Variants in MARCHF11 observed in about 807,000 individuals in gnomAD.
The protein encoded by MARCHF11 is E3 ubiquitin-protein ligase MARCHF11.
Under a neutral mutation model 37.3 loss-of-function variants are expected in MARCHF11, and 29 were observed. That is an observed-to-expected ratio of 0.78 (90% CI 0.58 to 1.06). MARCHF11 has a LOEUF of 1.06. MARCHF11 is among the 50% of genes least tolerant of loss of function. The pLI, the probability that MARCHF11 is intolerant of heterozygous loss-of-function variation, is 0.00. For missense variants in MARCHF11, 482 were observed against 533.4 expected (o/e 0.90, Z 0.95); for synonymous variants, 233 against 228.0 (o/e 1.02, Z -0.20).
At chr5:16,134,960 G>T (rs1737581993) in intron 2 of MARCHF11, among the ~76,000 whole-genome samples, 1 of 150,022 alleles carries the variant, frequency 6.7e-6, no homozygotes. Context: ...CTCTATACCT[G>T]CAGGATTATG....
intron 3 of MARCHF11, among the ~76,000 whole-genome samples, chr5:16,075,033 C>A (rs1026220971): frequency 1.3e-5 from 2 of 152,232 alleles, no homozygotes; most frequent in African/African-American, 4.8e-5. Flanking sequence ...GATGGCAAAG[C>A]CCAATTGTCA....
intron 3 of MARCHF11, among the ~76,000 whole-genome samples, chr5:16,083,945 A>T (rs16868087): frequency 0.027 from 4,128 of 152,320 alleles, 169 homozygotes; most frequent in African/African-American, 0.094. Flanking sequence ...TGGGAAACTT[A>T]TTTGTGATCA....
At chr5:16,084,960 G>A (rs2126552398) in intron 3 of MARCHF11, among the ~76,000 whole-genome samples, 1 of 151,342 alleles carries the variant, frequency 6.6e-6, no homozygotes, top group South Asian at 2.1e-4. Context: ...TTCCTCATGG[G>A]TATACATCAG....
At chr5:16,176,780 T>C (rs1230047727) in intron 2 of MARCHF11, among the ~76,000 whole-genome samples, 1 of 152,200 alleles carries the variant, frequency 6.6e-6, no homozygotes, top group Non-Finnish European at 1.5e-5. Context: ...TTGGGTGATT[T>C]AGATAGCAAC....
chr5:16,146,377 T>C (rs1170186882), intron 2 of MARCHF11, among the ~76,000 whole-genome samples: 1 of 152,208 alleles, frequency 6.6e-6, no homozygotes, highest in East Asian at 1.9e-4. Flanking sequence ...AAGCAAAGCC[T>C]TTCTCCTTTG....
At chr5:16,114,160 T>C (rs1737194430) in intron 2 of MARCHF11, among the ~76,000 whole-genome samples, 1 of 152,250 alleles carries the variant, frequency 6.6e-6, no homozygotes, top group African/African-American at 2.4e-5. Context: ...CTACATTTTC[T>C]TTATTCATCT....
intron 2 of MARCHF11, among the ~76,000 whole-genome samples, chr5:16,142,760 C>T (rs1467923840): frequency 7.2e-6 from 1 of 139,534 alleles, no homozygotes; most frequent in Admixed American, 7.7e-5. Context: ...GGCGTGATCT[C>T]GGCTCACCGC....
intron 2 of MARCHF11, among the ~76,000 whole-genome samples, chr5:16,174,561 G>T (rs928350569): frequency 6.6e-6 from 1 of 152,248 alleles, no homozygotes; most frequent in Non-Finnish European, 1.5e-5. Context: ...CCTGATAACT[G>T]CTCTTTGCCC....
chr5:16,098,391 C>G (rs1385958475), intron 2 of MARCHF11, among the ~76,000 whole-genome samples: 7 of 152,204 alleles, frequency 4.6e-5, no homozygotes, highest in Admixed American at 4.6e-4. Flanking sequence ...TTTTAGATAG[C>G]ATGATTATCT....
chr5:16,107,941 G>C (rs767617533), intron 2 of MARCHF11, among the ~76,000 whole-genome samples: 1 of 152,046 alleles, frequency 6.6e-6, no homozygotes, highest in Non-Finnish European at 1.5e-5. Flanking sequence ...ATCCTGTTGA[G>C]AGCCACCTCT....
chr5:16,127,417 G>A (rs762986734), intron 2 of MARCHF11, among the ~76,000 whole-genome samples: 4 of 152,150 alleles, frequency 2.6e-5, no homozygotes, highest in Non-Finnish European at 5.9e-5. Flanking sequence ...ACAAGAGGGA[G>A]GAAGACCTTG....
In MARCHF11 at chr5:16,179,147, C is replaced by A. The variant is rs1380473251; in HGVS notation, c.429G>T (p.Ser143=). 3 of 1,473,258 alleles carry A rather than the reference C, an allele frequency of 2.0e-6. No individual in the cohort carries two copies. The Admixed American group carries it at 7.1e-5, about 35-fold the overall frequency. The allele number at this position is 1,473,258 out of a possible 1,614,324, so 91.3% of individuals were successfully genotyped here. A position where few individuals can be genotyped will look rare whatever the true frequency, so the allele number is the denominator to read the frequency against. The part of the protein sequence containing the change: ...RGAGDQPETR[S]VCSSRSSSSG... Reference sequence around the variant, plus strand: ...TGCTGCTGCTGCGGCTGCTGCACACCGAGCGCGTCTCGGGCTGGTCTCCGG... The same window carrying A: ...TGCTGCTGCTGCGGCTGCTGCACACAGAGCGCGTCTCGGGCTGGTCTCCGG... Residue 143 remains serine (S), a synonymous_variant, in exon 1 of 4, where the codon TCG becomes TCT. Transcript: ENST00000332432.
intron 2 of MARCHF11, among the ~76,000 whole-genome samples, chr5:16,110,421 C>T (rs1334318279): frequency 6.6e-6 from 1 of 152,148 alleles, no homozygotes; most frequent in African/African-American, 2.4e-5. Flanking sequence ...TGCATTTTTG[C>T]ACTGCTGACT....
intron 2 of MARCHF11, among the ~76,000 whole-genome samples, chr5:16,130,953 T>G (rs1377844689): frequency 1.3e-5 from 2 of 152,188 alleles, no homozygotes; most frequent in African/African-American, 4.8e-5. Context: ...AAATATGATC[T>G]GATATCTTCT....
At chr5:16,107,288 C>T (rs755923427) in intron 2 of MARCHF11, among the ~76,000 whole-genome samples, 4 of 151,430 alleles carry the variant, frequency 2.6e-5, no homozygotes, top group Admixed American at 6.6e-5. Context: ...AAGAAATAAA[C>T]TAAGTAGTTT....
intron 2 of MARCHF11, among the ~76,000 whole-genome samples, chr5:16,120,186 T>C (rs1484272949): frequency 1.3e-5 from 2 of 152,218 alleles, no homozygotes; most frequent in Non-Finnish European, 2.9e-5. Flanking sequence ...GTACTGGATA[T>C]CTACCATGTG....
chr5:16,101,374 T>A lies in MARCHF11; in HGVS notation c.694-10293A>T, dbSNP rs534332718. Among the ~76,000 whole-genome samples the A allele has an allele frequency of 3.6e-4, 55 of 151,922 alleles. 1 individual carries two copies. The highest frequency in any genetic ancestry group is 1.0e-3 in the Admixed American group (16 of 15,286). The stretch of plus-strand genomic sequence containing the variant: ...CTGGGCAACAGAGCGAGACTCCATC[T>A]CAAAAAAAAAATGCATTTTAGCTTT... On this transcript the variant is annotated intron_variant, in intron 2 of 3. Coordinates refer to ENST00000332432, the MANE Select transcript of MARCHF11 (RefSeq NM_001102562.3).
In MARCHF11 at chr5:16,073,274, C is replaced by T. The variant is rs150876963; in HGVS notation, c.887-5481G>A. On this transcript the variant is annotated intron_variant, in intron 3 of 3. Transcript: ENST00000332432. The stretch of plus-strand genomic sequence containing the variant: ...GTTGCTTCCAAGAGGATTAATCAAA[C>T]GAGACTGTGGCCCAAGACATCCTTT... Among the ~76,000 whole-genome samples the T allele has an allele frequency of 3.3e-4, 51 of 152,244 alleles. No homozygotes were observed. In the East Asian group the frequency reaches 8.9e-3, roughly 27 times the overall value.
intron 2 of MARCHF11, among the ~76,000 whole-genome samples, chr5:16,116,349 A>G (rs1336504440): frequency 6.6e-6 from 1 of 152,160 alleles, no homozygotes; most frequent in Middle Eastern, 3.2e-3. Flanking sequence ...AGCATCCACT[A>G]CACTACCTCC....
Sources: gnomAD v4.1 joint callset for allele counts (sites outside exome capture counted in the v4.1 genomes callset) on GRCh38, gnomAD v4.1.1 for gene constraint, MANE v1.5 for transcripts, NCBI Gene and HGNC (gene_info 2026-07-23, HGNC 2026-07-21) for gene names.